CTNND2: variants seen among roughly 807,000 people sequenced by gnomAD.
CTNND2 encodes the protein catenin delta 2.
In CTNND2, 22 loss-of-function variants were observed where a neutral mutation model predicts 144.4. The observed-to-expected ratio is 0.15, with a 90% CI of 0.11 to 0.22. The LOEUF (loss-of-function observed/expected upper bound fraction) is 0.22. Among genes scored for constraint, CTNND2 ranks in the 10% least tolerant of loss-of-function variants. The probability of loss-of-function intolerance (pLI) is 1.00; values close to 1 mark genes in which losing one functional copy is unlikely to be tolerated. For synonymous variants in CTNND2, 751 were observed against 695.6 expected, an observed-to-expected ratio of 1.08 and a Z score of -1.25; for missense variants, 1,353 against 1,618.8, an observed-to-expected ratio of 0.84 and a Z score of 2.82.
At chr5:11,230,568 T>C (rs888408517) in intron 10 of CTNND2, among the ~76,000 whole-genome samples, 2 of 152,192 alleles carry the variant, frequency 1.3e-5, no homozygotes, top group African/African-American at 2.4e-5. Context: ...ACACTAATCA[T>C]GCCTGCGCCC....
Position 11,412,073 on chromosome 5 carries a change from T to C in CTNND2, c.288-4A>G. ...CTGAAACTGCTCTTCTGCTGAACTGTAAAAAAGAAAATACAGAGATATAAT... is the reference window on the plus strand; with the variant it reads ...CTGAAACTGCTCTTCTGCTGAACTGCAAAAAAGAAAATACAGAGATATAAT... On this transcript the variant is annotated splice_polypyrimidine_tract_variant and splice_region_variant and intron_variant, in intron 3 of 21. Transcript: ENST00000304623. 3 of 1,609,304 alleles carry C rather than the reference T, an allele frequency of 1.9e-6. No individual in the cohort carries two copies. Among genetic ancestry groups the C allele is most frequent in the Middle Eastern group, 3.3e-4 (2 of 6,030 alleles).
At chr5:11,287,752 G>A (rs530992092) in intron 9 of CTNND2, among the ~76,000 whole-genome samples, 2 of 152,116 alleles carry the variant, frequency 1.3e-5, no homozygotes, top group Non-Finnish European at 2.9e-5. Context: ...AGTACATTTC[G>A]TTTTTCTAGA....
intron 12 of CTNND2, among the ~76,000 whole-genome samples, chr5:11,153,270 A>T (rs946383442): frequency 2.0e-5 from 3 of 151,638 alleles, no homozygotes; most frequent in African/African-American, 2.4e-5. Flanking sequence ...TCAAAAGAAT[A>T]AAAAAAAAGG....
At chr5:11,133,537 T>A (rs1443953892) in intron 12 of CTNND2, among the ~76,000 whole-genome samples, 1 of 151,682 alleles carries the variant, frequency 6.6e-6, no homozygotes, top group Non-Finnish European at 1.5e-5. Flanking sequence ...TTCTTAGTAG[T>A]GATAAGGTTT....
chr5:11,323,227 A>C (rs1752208069), intron 9 of CTNND2, among the ~76,000 whole-genome samples: 1 of 57,884 alleles, frequency 1.7e-5, no homozygotes, highest in African/African-American at 5.9e-5. Context: ...AAACATTTAG[A>C]GATTGGGGGG....
Position 11,224,371 on chromosome 5 carries a change from T to G in CTNND2, c.1761+12320A>C, listed in dbSNP as rs550041065. Among the ~76,000 whole-genome samples the G allele has an allele frequency of 6.6e-5, 10 of 152,296 alleles. No individual in the cohort carries two copies. In the South Asian group the frequency reaches 2.1e-3, roughly 32 times the overall value. The stretch of plus-strand genomic sequence containing the variant: ...TGGATCACATATCACATCTCTCTTG[T>G]GTTCACAAAGGTTGTAGACCCTGAG... On this transcript the variant is annotated intron_variant, in intron 10 of 21. Coordinates refer to ENST00000304623, the MANE Select transcript of CTNND2 (RefSeq NM_001332.4).
intron 11 of CTNND2, among the ~76,000 whole-genome samples, chr5:11,182,716 A>G (rs1207150047): frequency 6.6e-6 from 1 of 152,224 alleles, no homozygotes; most frequent in East Asian, 1.9e-4. Context: ...TGCCAAGGGT[A>G]GCTGTGGGCT....
chr5:11,040,388 A>T (rs1468987954), intron 16 of CTNND2, among the ~76,000 whole-genome samples: 2 of 152,258 alleles, frequency 1.3e-5, no homozygotes, highest in Admixed American at 1.3e-4. Context: ...ACATTGAATG[A>T]GGCAGAATCT....
intron 12 of CTNND2, among the ~76,000 whole-genome samples, chr5:11,144,844 C>T (rs1757095068): frequency 1.3e-5 from 2 of 152,116 alleles, no homozygotes. Flanking sequence ...ATGCTATGCC[C>T]AAGATGCATA....
intron 15 of CTNND2, among the ~76,000 whole-genome samples, chr5:11,084,922 T>C (rs1749971674): frequency 6.6e-6 from 1 of 152,128 alleles, no homozygotes; most frequent in African/African-American, 2.4e-5. Flanking sequence ...CCCTCTACCA[T>C]CATCTCATCC....
At chr5:11,158,846 A>G (rs1287078628) in intron 12 of CTNND2, among the ~76,000 whole-genome samples, 1 of 152,206 alleles carries the variant, frequency 6.6e-6, no homozygotes, top group Non-Finnish European at 1.5e-5. Context: ...CATCCAGCAG[A>G]GATTTGCAAC....
At position 11,729,538 on chromosome 5, in the gene CTNND2, C is replaced by T. The variant is rs567333886; in HGVS notation, c.174+2598G>A. On this transcript the variant is annotated intron_variant, in intron 2 of 21. Transcript: ENST00000304623. Reference sequence around the variant, plus strand: ...AAAGATTAAACATATAGCCCCAACTCATTTTTACTAATGACTGCATAATAT... The same window carrying T: ...AAAGATTAAACATATAGCCCCAACTTATTTTTACTAATGACTGCATAATAT... 4.1e-4 allele frequency among the ~76,000 whole-genome samples: 62 copies of T among 152,248 alleles called. 1 individual carries two copies. The highest frequency in any genetic ancestry group is 1.0e-3 in the Admixed American group (16 of 15,286).
Position 11,499,657 on chromosome 5 carries a change from C to A in CTNND2, c.287+65287G>T, listed in dbSNP as rs61757503. Among the ~76,000 whole-genome samples, 70 of 152,276 alleles carry A rather than the reference C, an allele frequency of 4.6e-4. No homozygotes were observed. In the East Asian group the frequency reaches 0.013, roughly 28 times the overall value. ...GCCATTATCCTGATTAATAGCAATT[C>A]TCATGCCAATTATCAGAAAACCCTA... On this transcript the variant is annotated intron_variant, in intron 3 of 21. Coordinates refer to ENST00000304623, the MANE Select transcript of CTNND2 (RefSeq NM_001332.4).
At chr5:11,113,475 A>C (rs1580323188) in intron 13 of CTNND2, among the ~76,000 whole-genome samples, 1 of 152,182 alleles carries the variant, frequency 6.6e-6, no homozygotes, top group Non-Finnish European at 1.5e-5. Context: ...AACACCGGGA[A>C]TATTTATTCT....
intron 15 of CTNND2, among the ~76,000 whole-genome samples, chr5:11,084,988 C>T (rs754844155): frequency 1.3e-5 from 2 of 150,306 alleles, no homozygotes; most frequent in African/African-American, 2.5e-5. Flanking sequence ...CCTTTCCCTC[C>T]ATCCTTCCAG....
At chr5:10,978,349 T>C (rs1272057089) in intron 21 of CTNND2, among the ~76,000 whole-genome samples, 2 of 152,184 alleles carry the variant, frequency 1.3e-5, no homozygotes, top group East Asian at 1.9e-4. Flanking sequence ...GTTAGGATGG[T>C]TGCACTTTAT....
intron 1 of CTNND2, among the ~76,000 whole-genome samples, chr5:11,751,257 A>G (rs1181073912): frequency 6.6e-6 from 1 of 151,830 alleles, no homozygotes; most frequent in Non-Finnish European, 1.5e-5. Flanking sequence ...TTTCAGGTTC[A>G]GGGGTACATA....
intron 16 of CTNND2, among the ~76,000 whole-genome samples, chr5:11,056,047 T>G (rs529044186): frequency 2.0e-5 from 3 of 152,342 alleles, no homozygotes; most frequent in Non-Finnish European, 4.4e-5. Context: ...CATGAGTAGT[T>G]GCAACATGCA....
chr5:11,623,474 T>G (rs2126435831), intron 2 of CTNND2, among the ~76,000 whole-genome samples: 1 of 152,100 alleles, frequency 6.6e-6, no homozygotes, highest in South Asian at 2.1e-4. Flanking sequence ...GTGTCATGAT[T>G]GTGAGACTCC....
Sources: gnomAD v4.1 joint callset for allele counts (sites outside exome capture counted in the v4.1 genomes callset) on GRCh38, gnomAD v4.1.1 for gene constraint, MANE v1.5 for transcripts, NCBI Gene and HGNC (gene_info 2026-07-23, HGNC 2026-07-21) for gene names.